The following ANKIB1 variants were observed in gnomAD, a reference collection of about 807,000 sequenced individuals.
The protein encoded by ANKIB1 is ankyrin repeat and IBR domain containing 1, also known as ankyrin repeat and IBR domain-containing protein 1.
ANKIB1 carries 43 observed loss-of-function variants against 122.1 expected under a neutral mutation model. The observed-to-expected ratio is 0.35, with a 90% confidence interval of 0.28 to 0.45. The LOEUF (loss-of-function observed/expected upper bound fraction) is 0.45. ANKIB1 is among the 20% of genes least tolerant of loss of function. ANKIB1 has a pLI of 1.00. For synonymous variants in ANKIB1, 390 were observed against 442.0 expected, an observed-to-expected ratio of 0.88 and a Z score of 1.48; for missense variants, 992 against 1,329.5, an observed-to-expected ratio of 0.75 and a Z score of 3.95.
At chr7:92,303,895 C>G (rs62467835) in intron 2 of ANKIB1, among the ~76,000 whole-genome samples, 1 of 152,228 alleles carries the variant, frequency 6.6e-6, no homozygotes, top group Non-Finnish European at 1.5e-5. Flanking sequence ...CAGCTATAAA[C>G]TGGCTGCTTA....
intron 1 of ANKIB1, among the ~76,000 whole-genome samples, chr7:92,269,665 C>T (rs1801741822): frequency 6.6e-6 from 1 of 152,100 alleles, no homozygotes; most frequent in Non-Finnish European, 1.5e-5. Context: ...TCATTGATAC[C>T]TTCCAAGGGG....
chr7:92,261,125 G>A (rs901852806), intron 1 of ANKIB1, among the ~76,000 whole-genome samples: 2 of 151,796 alleles, frequency 1.3e-5, no homozygotes, highest in Non-Finnish European at 2.9e-5. Flanking sequence ...CGAGGCGGGC[G>A]GATCACGAGG....
intron 9 of ANKIB1, among the ~76,000 whole-genome samples, chr7:92,356,475 G>C (rs1369872346): frequency 6.6e-6 from 1 of 152,130 alleles, no homozygotes. Flanking sequence ...TCAATCATAA[G>C]ACCTTATTTA....
chr7:92,319,687 CTCATGCCTGTAGT>C, intron 4 of ANKIB1, 175 bp downstream of exon 4: 1 of 637,090 alleles, frequency 1.6e-6, no homozygotes, highest in East Asian at 3.1e-5. Context: ...ACCACAGTGG[CTCATGCCTGTAGT>C]TCCAGTGCTT....
chr7:92,397,096 A>ATTT (rs1804913992), intron 18 of ANKIB1, among the ~76,000 whole-genome samples: 1 of 152,238 alleles, frequency 6.6e-6, no homozygotes, highest in Admixed American at 6.5e-5. Flanking sequence ...AGAAATCTAA[A>ATTT]AATGAAAAAC....
At chr7:92,254,211 C>T (rs1218502809) in intron 1 of ANKIB1, among the ~76,000 whole-genome samples, 1 of 152,126 alleles carries the variant, frequency 6.6e-6, no homozygotes, top group Non-Finnish European at 1.5e-5. Flanking sequence ...AACTGCTAGC[C>T]AACCTACAGA....
intron 1 of ANKIB1, among the ~76,000 whole-genome samples, chr7:92,246,729 C>G (rs1409649903): frequency 6.6e-6 from 1 of 152,196 alleles, no homozygotes; most frequent in African/African-American, 2.4e-5. Flanking sequence ...AATTTGCAAG[C>G]CTCCGGGTCT....
intron 12 of ANKIB1, 107 bp downstream of exon 12, chr7:92,386,750 ATATACTT>A (rs1328878176): frequency 2.8e-6 from 3 of 1,077,508 alleles, no homozygotes; most frequent in East Asian, 6.2e-5. Flanking sequence ...ATTAAATTGA[ATATACTT>A]TATTATAGCC....
At position 92,350,933 on chromosome 7, in the gene ANKIB1, T is replaced by C. The variant is rs1181834635; in HGVS notation, c.1086-17T>C. On this transcript the variant is annotated splice_polypyrimidine_tract_variant and intron_variant, in intron 7 of 19. Coordinates refer to ENST00000265742, the MANE Select transcript of ANKIB1 (RefSeq NM_019004.2). ...AATATCCTTGCTCGTTTGATGTGCA[T>C]TGATCCATTTTAATAGGTTTTTGAA... 1.3e-6 allele frequency: 2 copies of C among 1,592,232 alleles called. No individual in the cohort carries two copies. The highest frequency in any genetic ancestry group is 8.5e-7 in the Non-Finnish European group (1 of 1,171,386).
intron 2 of ANKIB1, among the ~76,000 whole-genome samples, chr7:92,295,861 T>C (rs1802344027): frequency 6.6e-6 from 1 of 152,190 alleles, no homozygotes; most frequent in Non-Finnish European, 1.5e-5. Context: ...TTTACTAGCT[T>C]ATAAAATAAA....
At chr7:92,279,462 A>C (rs556252410) in intron 1 of ANKIB1, among the ~76,000 whole-genome samples, 2 of 152,220 alleles carry the variant, frequency 1.3e-5, no homozygotes, top group Non-Finnish European at 2.9e-5. Context: ...CCATCAGAGA[A>C]TAAGTCCTTT....
chr7:92,360,304 T>C (rs1803913484), intron 9 of ANKIB1, among the ~76,000 whole-genome samples: 1 of 152,216 alleles, frequency 6.6e-6, no homozygotes, highest in Admixed American at 6.5e-5. Flanking sequence ...ATATTTAATG[T>C]AAGTGGAATT....
chr7:92,283,957 GA>G (rs1192322057), intron 1 of ANKIB1, among the ~76,000 whole-genome samples: 1 of 152,054 alleles, frequency 6.6e-6, no homozygotes, highest in Non-Finnish European at 1.5e-5. Context: ...TTTTAGTAGG[GA>G]CGGGGTTTCA....
At chr7:92,355,103 C>G (rs1221363753) in intron 9 of ANKIB1, among the ~76,000 whole-genome samples, 1 of 152,210 alleles carries the variant, frequency 6.6e-6, no homozygotes, top group Admixed American at 6.5e-5. Context: ...CCTTCTCTAC[C>G]TGTTCACAAA....
chr7:92,349,907 A>C (rs183125792), intron 7 of ANKIB1, among the ~76,000 whole-genome samples: 4 of 151,966 alleles, frequency 2.6e-5, no homozygotes, highest in Non-Finnish European at 4.4e-5. Flanking sequence ...ATGGTAGTAC[A>C]TGCGTGTAAT....
At chr7:92,261,562 G>A (rs1055282072) in intron 1 of ANKIB1, among the ~76,000 whole-genome samples, 2 of 152,054 alleles carry the variant, frequency 1.3e-5, no homozygotes, top group Admixed American at 1.3e-4. Context: ...ATGACTTTAT[G>A]TCATGATTTA....
At chr7:92,286,409 T>A (rs1802123853) in intron 1 of ANKIB1, among the ~76,000 whole-genome samples, 1 of 152,088 alleles carries the variant, frequency 6.6e-6, no homozygotes, top group Non-Finnish European at 1.5e-5. Flanking sequence ...TTTCTTGGTG[T>A]GGCCTTTCTA....
intron 10 of ANKIB1, among the ~76,000 whole-genome samples, 195 bp downstream of exon 10, chr7:92,362,468 A>G (rs1438909042): frequency 1.3e-5 from 2 of 152,178 alleles, no homozygotes; most frequent in East Asian, 3.8e-4. Context: ...GGAATCATGG[A>G]CAAGTTCCAT....
At chr7:92,264,120 A>G (rs1240988640) in intron 1 of ANKIB1, among the ~76,000 whole-genome samples, 2 of 148,576 alleles carry the variant, frequency 1.3e-5, no homozygotes, top group African/African-American at 4.9e-5. Flanking sequence ...AGTATTCTTC[A>G]TTTTTAAGAA....
Sources: allele counts gnomAD v4.1 joint callset (sites outside exome capture counted in the v4.1 genomes callset), GRCh38; gene constraint gnomAD v4.1.1; transcripts MANE v1.5; gene names NCBI Gene and HGNC (gene_info 2026-07-23, HGNC 2026-07-21).